ADIPOR1: variants seen among roughly 807,000 people sequenced by gnomAD.
ADIPOR1 encodes adiponectin receptor 1.
In ADIPOR1, 15 loss-of-function variants were observed where a neutral mutation model predicts 37.5. The observed-to-expected ratio is 0.40, with a 90% CI of 0.27 to 0.62. ADIPOR1 has a LOEUF of 0.62. Among genes scored for constraint, ADIPOR1 ranks in the 20% least tolerant of loss-of-function variants. The probability of loss-of-function intolerance (pLI) is 0.42; values close to 1 mark genes in which losing one functional copy is unlikely to be tolerated. For missense variants in ADIPOR1, 286 were observed against 478.0 expected, an observed-to-expected ratio of 0.60 and a Z score of 3.75; for synonymous variants, 173 against 173.2, an observed-to-expected ratio of 1.00 and a Z score of 0.01.
At chr1:202,947,516 C>A (rs201590036) in intron 3 of ADIPOR1, among the ~76,000 whole-genome samples, 2 of 150,140 alleles carry the variant, frequency 1.3e-5, no homozygotes, top group African/African-American at 2.5e-5. Context: ...AACTCTGTCT[C>A]AAAAAAATAT....
chr1:202,941,660 T>C lies in ADIPOR1; in HGVS notation c.1041A>G (p.Ala347=), dbSNP rs753056136. Residue 347 remains alanine (A), a synonymous_variant, in exon 8 of 8, where the codon GCA becomes GCG. Coordinates refer to ENST00000340990, the MANE Select transcript of ADIPOR1 (RefSeq NM_015999.6). ...HQIFHVLVVA[A]AFVHFYGVSN... ...AGACTCCATAGAAGTGGACAAAGGC[T>C]GCTGCCACCACCAGGACATGGAAAA... is the stretch of plus-strand genomic sequence containing the variant. The C allele has an allele frequency of 9.3e-6, 15 of 1,614,146 alleles. No individual in the cohort carries two copies. The highest frequency in any genetic ancestry group is 8.3e-5 in the Admixed American group (5 of 60,024).
At chr1:202,945,246 C>T in intron 4 of ADIPOR1, 77 bp from the exon 5 acceptor site, 1 of 1,280,008 alleles carries the variant, frequency 7.8e-7, no homozygotes, top group Admixed American at 2.8e-5. Flanking sequence ...GTTTTTGAAT[C>T]AGAGAGCTAC....
At chr1:202,948,963 G>A (rs2102488738) in intron 2 of ADIPOR1, among the ~76,000 whole-genome samples, 1 of 151,390 alleles carries the variant, frequency 6.6e-6, no homozygotes, top group East Asian at 2.0e-4. Flanking sequence ...ACTAATTTTT[G>A]TATTTTTAGT....
At position 202,941,313 on chromosome 1, in the gene ADIPOR1, G is replaced by A. The variant is rs1335754990; in HGVS notation, c.*260C>T. On this transcript the variant is annotated 3_prime_UTR_variant, in exon 8 of 8. Transcript: ENST00000340990. Reference sequence around the variant, plus strand: ...ATCTCAACATGAGTTTCAAAGTACTGTCTCTGTGAGGGGCCGGTAGATGCC... The same window carrying A: ...ATCTCAACATGAGTTTCAAAGTACTATCTCTGTGAGGGGCCGGTAGATGCC... 3.3e-6 allele frequency: 1 copy of A among 302,564 alleles called. No individual in the cohort carries two copies. The highest frequency in any genetic ancestry group is 4.9e-5 in the Admixed American group (1 of 20,464). 18.7% of individuals were successfully genotyped at this position (302,564 alleles called of 1,614,324 possible). A position where few individuals can be genotyped will look rare whatever the true frequency, so the allele number is the denominator to read the frequency against.
In ADIPOR1 at chr1:202,946,543, T is replaced by G; in HGVS notation, c.326A>C (p.Tyr109Ser). The G allele has an allele frequency of 6.2e-7, 1 of 1,614,058 alleles. No individual in the cohort carries two copies. The highest frequency in any genetic ancestry group is 1.1e-5 in the South Asian group (1 of 91,076). ...VLPDWLKDND[Y>S]LLHGHRPPMP... is the part of the protein sequence containing the mutation. ...GGGAGGTCTATGACCATGTAGCAGA[T>G]AGTCGTTGTCCTTTAGCCAGTCAGG... is the stretch of plus-strand genomic sequence containing the variant. Residue 109 changes from tyrosine to serine, a missense_variant, in exon 4 of 8, where the codon TAT (tyrosine) becomes TCT (serine). Tyr to Ser is a moderately radical substitution (Grantham distance 144). Coordinates refer to ENST00000340990, the MANE Select transcript of ADIPOR1 (RefSeq NM_015999.6).
chr1:202,946,630 T>A lies in ADIPOR1; in HGVS notation c.259-20A>T, dbSNP rs1654333315. 1 of 1,613,768 alleles carries A rather than the reference T, an allele frequency of 6.2e-7. No homozygotes were observed. The highest frequency in any genetic ancestry group is 1.3e-5 in the African/African-American group (1 of 74,974). The stretch of plus-strand genomic sequence containing the variant: ...CCAGACCTAGAACATATACACTTTC[T>A]CTGGGTAGGGCACTAGATAGTACCT... On this transcript the variant is annotated intron_variant, in intron 3 of 7. Coordinates refer to ENST00000340990, the MANE Select transcript of ADIPOR1 (RefSeq NM_015999.6).
At chr1:202,945,631 G>C (rs773733449) in intron 4 of ADIPOR1, among the ~76,000 whole-genome samples, 6 of 152,154 alleles carry the variant, frequency 3.9e-5, no homozygotes, top group Non-Finnish European at 7.4e-5. Context: ...TGACCAATGA[G>C]TGAATAAAGG....
chr1:202,949,593 A>AAAAAAAAG (rs1332418254), intron 2 of ADIPOR1, among the ~76,000 whole-genome samples: 1 of 138,334 alleles, frequency 7.2e-6, no homozygotes, highest in Non-Finnish European at 1.6e-5. Flanking sequence ...AAAAAAAAAA[A>AAAAAAAAG]AAAACACACC....
rs2102479316 is a variant in ADIPOR1, at chr1:202,941,475, T to C, written c.*98A>G. The C allele has an allele frequency of 8.3e-6, 12 of 1,444,866 alleles. No homozygotes were observed. The highest frequency in any genetic ancestry group is 1.1e-5 in the Non-Finnish European group (12 of 1,078,568). 89.5% of individuals were successfully genotyped at this position (1,444,866 alleles called of 1,614,324 possible). On this transcript the variant is annotated 3_prime_UTR_variant, in exon 8 of 8. Coordinates refer to ENST00000340990, the MANE Select transcript of ADIPOR1 (RefSeq NM_015999.6). ...ACTGAATTCTCTAAGAGGTTTCTTC[T>C]AGAAACAGACAACTCAGACTCTTCC...
rs773862347 is a variant in ADIPOR1 at position 202,941,031 on chromosome 1, A to G, written c.*542T>C. ...TTACTTGAAGCCTGGACACACTTCC[A>G]TGATTAGCCGGGCTAGGTAAAAGTT... On this transcript the variant is annotated 3_prime_UTR_variant, in exon 8 of 8. Coordinates refer to ENST00000340990, the MANE Select transcript of ADIPOR1 (RefSeq NM_015999.6). 6.6e-6 allele frequency: 1 copy of G among 152,642 alleles called. No homozygotes were observed. The highest frequency in any genetic ancestry group is 1.9e-4 in the East Asian group (1 of 5,202). 9.5% of individuals were successfully genotyped at this position (152,642 alleles called of 1,614,324 possible). A position where few individuals can be genotyped will look rare whatever the true frequency, so the allele number is the denominator to read the frequency against.
rs1186438169 is a variant in ADIPOR1, at chr1:202,948,347, T to C, written c.215A>G (p.Gln72Arg). The C allele has an allele frequency of 1.9e-5, 31 of 1,613,828 alleles. No homozygotes were observed. The highest frequency in any genetic ancestry group is 2.6e-5 in the Non-Finnish European group (31 of 1,179,956). ...EEVRVLTLPL[Q>R]AHHAMEKMEE... ...CATCTTCTCCATGGCGTGGTGGGCT[T>C]GCAGGGGAAGTGTCAGTACCCGCAC... The change falls in exon 3 of 8, where the codon CAA (glutamine) becomes CGA (arginine). Residue 72 changes from glutamine to arginine, a missense_variant. Coordinates refer to ENST00000340990, the MANE Select transcript of ADIPOR1 (RefSeq NM_015999.6).
rs35179235 is a variant in ADIPOR1, at chr1:202,944,822, A to G, written c.617+161T>C. On this transcript the variant is annotated intron_variant, in intron 5 of 7. Transcript: ENST00000340990. ...TCTGTTCATGAAGTGTTTAAGAGAA[A>G]AGCTTCATCACCCCACTATCGCCAC... 2.2e-5 allele frequency: 14 copies of G among 629,834 alleles called. No homozygotes were observed. In the Admixed American group the frequency reaches 3.7e-4, roughly 17 times the overall value. 39.0% of individuals were successfully genotyped at this position (629,834 alleles called of 1,614,324 possible). A position where few individuals can be genotyped will look rare whatever the true frequency, so the allele number is the denominator to read the frequency against.
At chr1:202,957,150 A>G (rs1398061214) in intron 1 of ADIPOR1, among the ~76,000 whole-genome samples, 1 of 152,244 alleles carries the variant, frequency 6.6e-6, no homozygotes, top group Non-Finnish European at 1.5e-5. Context: ...GTATACAGAT[A>G]GTATACAACC....
At chr1:202,955,823 G>C (rs1038915506) in intron 1 of ADIPOR1, among the ~76,000 whole-genome samples, 1 of 152,268 alleles carries the variant, frequency 6.6e-6, no homozygotes, top group East Asian at 1.9e-4. Context: ...TATCCCCCAG[G>C]GTGGAGTGCA....
chr1:202,949,807 C>T (rs1654493061), intron 2 of ADIPOR1, among the ~76,000 whole-genome samples: 1 of 152,144 alleles, frequency 6.6e-6, no homozygotes, highest in South Asian at 2.1e-4. Flanking sequence ...TCCATTCTCT[C>T]TCTTCCTAAG....
chr1:202,947,474 A>G (rs945539594), intron 3 of ADIPOR1, among the ~76,000 whole-genome samples: 3 of 152,174 alleles, frequency 2.0e-5, no homozygotes, highest in Non-Finnish European at 4.4e-5. Flanking sequence ...GTGAGCTGAG[A>G]TCGTGCCACT....
At position 202,947,634 on chromosome 1, in the gene ADIPOR1, C is replaced by T. The variant is rs1654389279; in HGVS notation, c.258+670G>A. Among the ~76,000 whole-genome samples the T allele has an allele frequency of 2.6e-5, 4 of 151,992 alleles. No individual in the cohort carries two copies. In the South Asian group the frequency reaches 8.3e-4, roughly 32 times the overall value. ...CGTTGTTTTAAAAAACGTACAGATC[C>T]CTCCTTTGCCCCTCTCCAGGAGATT... On this transcript the variant is annotated intron_variant, in intron 3 of 7. Coordinates refer to ENST00000340990, the MANE Select transcript of ADIPOR1 (RefSeq NM_015999.6).
At chr1:202,957,413 A>T (rs1327056076) in intron 1 of ADIPOR1, among the ~76,000 whole-genome samples, 2 of 152,058 alleles carry the variant, frequency 1.3e-5, no homozygotes, top group Admixed American at 1.3e-4. Flanking sequence ...AACGGTGTAA[A>T]CTGAAATTGG....
At chr1:202,950,901 A>C in intron 2 of ADIPOR1, 29 bp downstream of exon 2, 1 of 1,613,804 alleles carries the variant, frequency 6.2e-7, no homozygotes, top group Non-Finnish European at 8.5e-7. Context: ...AAACTGAACA[A>C]GGGGATGACT....
Sources: allele counts gnomAD v4.1 joint callset (sites outside exome capture counted in the v4.1 genomes callset), GRCh38; gene constraint gnomAD v4.1.1; transcripts MANE v1.5; gene names NCBI Gene and HGNC (gene_info 2026-07-23, HGNC 2026-07-21).